CMYA5: variants seen among roughly 807,000 people sequenced by gnomAD.
The protein encoded by CMYA5 is cardiomyopathy-associated protein 5.
A neutral mutation model predicts 318.9 loss-of-function variants in CMYA5; 246 were observed. The observed-to-expected ratio is 0.77, with a 90% CI of 0.70 to 0.86. The LOEUF (loss-of-function observed/expected upper bound fraction) is 0.86. Ranked by LOEUF, CMYA5 falls within the 40% of genes least tolerant of loss-of-function variation. CMYA5 has a pLI of 0.00. For missense variants in CMYA5, 4,589 were observed against 4,678.2 expected (o/e 0.98, Z 0.56); for synonymous variants, 1,641 against 1,729.5 (o/e 0.95, Z 1.27).
In CMYA5 at chr5:79,735,115, A is replaced by G. The variant is rs548437302; in HGVS notation, c.6350A>G (p.Asp2117Gly). The change falls in exon 2 of 13, where the codon GAT (aspartate) becomes GGT (glycine). Residue 2117 changes from aspartate (D) to glycine (G), a missense_variant. This residue lies in a region of CMYA5 where 2,431 missense variants were observed against 2,495.1 expected (regional missense o/e 0.97). Transcript: ENST00000446378. ...CAGTCAAAGGTTATTGATGATGCTG[A>G]TGAGGGAAAGAAACCATCACCTGAA... ...MVQSKVIDDADEGKKPSPEVK... is the reference protein window; with the variant it reads ...MVQSKVIDDAGEGKKPSPEVK... 5 of 1,613,826 alleles carry G rather than the reference A, an allele frequency of 3.1e-6. No homozygotes were observed. In the Admixed American group the frequency reaches 6.7e-5, roughly 22 times the overall value.
Position 79,786,941 on chromosome 5 carries a change from C to T in CMYA5, c.11556-2030C>T, listed in dbSNP as rs192363997. On this transcript the variant is annotated intron_variant, in intron 9 of 12. Transcript: ENST00000446378. ...GTGCACATTTGTCAAATCTGCCTGA[C>T]CTGTTTCATGCACTGAAAGCAGGAC... Among the ~76,000 whole-genome samples, 427 of 152,326 alleles carry T rather than the reference C, an allele frequency of 2.8e-3. 1 individual carries two copies. Among genetic ancestry groups the T allele is most frequent in the African/African-American group, 9.6e-3 (400 of 41,560 alleles).
intron 5 of CMYA5, among the ~76,000 whole-genome samples, chr5:79,748,662 C>T (rs550112438): frequency 6.6e-6 from 1 of 152,230 alleles, no homozygotes; most frequent in Admixed American, 6.5e-5. Flanking sequence ...CCTGCCTCAG[C>T]CTCCGAAGTA....
At chr5:79,696,732 G>A (rs1037787310) in intron 1 of CMYA5, among the ~76,000 whole-genome samples, 2 of 152,112 alleles carry the variant, frequency 1.3e-5, no homozygotes, top group African/African-American at 4.8e-5. Flanking sequence ...TTGGCTGGAC[G>A]TGGTGGCTCA....
At position 79,732,423 on chromosome 5, in the gene CMYA5, G is replaced by A. The variant is rs531124824; in HGVS notation, c.3658G>A (p.Val1220Ile). ...VPDSQEATAH[V>I]SQDQKMEPQP... ...TGATTCTCAAGAAGCTACAGCACATGTATCACAGGATCAAAAAATGGAGCC... is the reference window on the plus strand; with the variant it reads ...TGATTCTCAAGAAGCTACAGCACATATATCACAGGATCAAAAAATGGAGCC... The change falls in exon 2 of 13, where the codon GTA becomes ATA. Residue 1220 changes from valine to isoleucine, a missense_variant. Physicochemically the swap from Val to Ile is conservative, Grantham distance 29. This residue lies in a region of CMYA5 where 2,132 missense variants were observed against 2,131.3 expected (regional missense o/e 1.00). Transcript: ENST00000446378. 1.2e-6 allele frequency: 2 copies of A among 1,613,680 alleles called. No homozygotes were observed. The highest frequency in any genetic ancestry group is 2.2e-5 in the South Asian group (2 of 91,010).
At chr5:79,752,818 A>G (rs2151092493) in intron 6 of CMYA5, 24 bp downstream of exon 6, 1 of 1,528,928 alleles carries the variant, frequency 6.5e-7, no homozygotes, top group East Asian at 2.3e-5. Flanking sequence ...TATATTAATT[A>G]CCTAGATGAA....
intron 1 of CMYA5, among the ~76,000 whole-genome samples, chr5:79,704,409 A>G (rs1374366697): frequency 6.6e-6 from 1 of 151,930 alleles, no homozygotes; most frequent in African/African-American, 2.4e-5. Flanking sequence ...CTGTGAGCAG[A>G]CCCTGTGTGC....
intron 2 of CMYA5, among the ~76,000 whole-genome samples, chr5:79,741,342 T>C (rs564022987): frequency 1.3e-5 from 2 of 152,334 alleles, no homozygotes; most frequent in African/African-American, 4.8e-5. Flanking sequence ...CCAGAGCTCA[T>C]GTTCTTGACT....
At chr5:79,786,771 G>A (rs1248585155) in intron 9 of CMYA5, among the ~76,000 whole-genome samples, 3 of 152,164 alleles carry the variant, frequency 2.0e-5, no homozygotes, top group South Asian at 2.1e-4. Flanking sequence ...ACAAGGAAAC[G>A]AACCATTTGT....
In CMYA5 at chr5:79,738,620, G is replaced by T; in HGVS notation, c.9855G>T (p.Lys3285Asn). ...CTGCAGAAGGGGAAATTTGGGGAAA[G>T]TTTGGAACTATTTGCAGGGAGAAGA... The part of the protein sequence containing the change: ...PIAAEGEIWG[K>N]FGTICREKSL... The change falls in exon 2 of 13, where the codon AAG becomes AAT. Residue 3285 changes from lysine to asparagine, a missense_variant. Lys to Asn is a moderately conservative substitution (Grantham distance 94). Coordinates refer to ENST00000446378, the MANE Select transcript of CMYA5 (RefSeq NM_153610.5). 1 of 1,613,862 alleles carries T rather than the reference G, an allele frequency of 6.2e-7. No individual in the cohort carries two copies. Among genetic ancestry groups the T allele is most frequent in the Non-Finnish European group, 8.5e-7 (1 of 1,179,836 alleles).
chr5:79,719,842 A>G (rs1336412111), intron 1 of CMYA5, among the ~76,000 whole-genome samples: 2 of 152,202 alleles, frequency 1.3e-5, no homozygotes, highest in Non-Finnish European at 2.9e-5. Context: ...TAACTTATTT[A>G]TAGGGATGGC....
chr5:79,749,992 C>T (rs888714061), intron 5 of CMYA5, among the ~76,000 whole-genome samples: 1 of 146,982 alleles, frequency 6.8e-6, no homozygotes, highest in African/African-American at 2.6e-5. Context: ...AAAAAGTGAT[C>T]TCCTAAGGTT....
At chr5:79,720,037 A>G (rs1280011137) in intron 1 of CMYA5, among the ~76,000 whole-genome samples, 1 of 152,248 alleles carries the variant, frequency 6.6e-6, no homozygotes, top group Admixed American at 6.5e-5. Flanking sequence ...ATCCAAATGA[A>G]GCACACACAG....
intron 1 of CMYA5, among the ~76,000 whole-genome samples, chr5:79,718,847 C>T (rs1193199852): frequency 6.6e-6 from 1 of 152,142 alleles, no homozygotes; most frequent in African/African-American, 2.4e-5. Flanking sequence ...ATTACAGCTG[C>T]TTACAGTATT....
At chr5:79,751,741 C>T (rs1828433615) in intron 5 of CMYA5, among the ~76,000 whole-genome samples, 1 of 152,148 alleles carries the variant, frequency 6.6e-6, no homozygotes, top group Non-Finnish European at 1.5e-5. Context: ...AAACGGTATT[C>T]TGGTGAAGCA....
intron 7 of CMYA5, among the ~76,000 whole-genome samples, chr5:79,759,215 G>T (rs991123253): frequency 6.6e-6 from 1 of 152,334 alleles, no homozygotes; most frequent in African/African-American, 2.4e-5. Flanking sequence ...GAGAAAGGAG[G>T]TAACATACCA....
intron 1 of CMYA5, among the ~76,000 whole-genome samples, chr5:79,695,356 G>T (rs1827047501): frequency 6.6e-6 from 1 of 152,182 alleles, no homozygotes; most frequent in South Asian, 2.1e-4. Context: ...ATGAATTTTA[G>T]TAATCACTTA....
In CMYA5 at chr5:79,730,971, A is replaced by C. The variant is rs768628358; in HGVS notation, c.2206A>C (p.Lys736Gln). ...VSEYMIPSEE[K>Q]EDTGSFTPAV... Reference sequence around the variant, plus strand: ...TGAGTACATGATTCCATCAGAAGAGAAGGAAGACACTGGATCGTTTACTCC... The same window carrying C: ...TGAGTACATGATTCCATCAGAAGAGCAGGAAGACACTGGATCGTTTACTCC... Residue 736 changes from lysine to glutamine, a missense_variant, in exon 2 of 13, where the codon AAG becomes CAG. Physicochemically the swap from Lys to Gln is moderately conservative, Grantham distance 53. Coordinates refer to ENST00000446378, the MANE Select transcript of CMYA5 (RefSeq NM_153610.5). 45 of 1,613,858 alleles carry C rather than the reference A, an allele frequency of 2.8e-5. No individual in the cohort carries two copies. The highest frequency in any genetic ancestry group is 3.6e-5 in the Non-Finnish European group (43 of 1,179,896).
Position 79,731,400 on chromosome 5 carries a change from T to A in CMYA5, c.2635T>A (p.Tyr879Asn). 6.2e-7 allele frequency: 1 copy of A among 1,613,702 alleles called. No homozygotes were observed. The highest frequency in any genetic ancestry group is 1.3e-5 in the African/African-American group (1 of 75,012). ...ACCACTTTCAGCCACCCCATCTGAA[T>A]ATGTTGTTCTATCAGACGAAGAGGC... is the stretch of plus-strand genomic sequence containing the variant. The part of the protein sequence containing the change: ...APPLSATPSE[Y>N]VVLSDEEAVE... Residue 879 changes from tyrosine to asparagine, a missense_variant, in exon 2 of 13, where the codon TAT becomes AAT. Around this residue, in one of 3 missense-constraint regions of CMYA5, gnomAD observed 2,132 missense variants for 2,131.3 expected, o/e 1.00. Coordinates refer to ENST00000446378, the MANE Select transcript of CMYA5 (RefSeq NM_153610.5).
At position 79,732,471 on chromosome 5, in the gene CMYA5, T is replaced by A. The variant is rs1221348163; in HGVS notation, c.3706T>A (p.Ser1236Thr). ...MEPQPPNVPE[S>T]EMKYSVLPDM... is the part of the protein sequence containing the mutation. ...GCCTCAGCCTCCAAATGTTCCAGAGTCTGAGATGAAATATTCAGTTTTGCC... is the reference window on the plus strand; with the variant it reads ...GCCTCAGCCTCCAAATGTTCCAGAGACTGAGATGAAATATTCAGTTTTGCC... The change falls in exon 2 of 13, where the codon TCT (serine) becomes ACT (threonine). Residue 1236 changes from serine to threonine, a missense_variant. Transcript: ENST00000446378. The A allele has an allele frequency of 2.5e-6, 4 of 1,613,138 alleles. No homozygotes were observed. The highest frequency in any genetic ancestry group is 3.4e-6 in the Non-Finnish European group (4 of 1,179,580).
Sources: gnomAD v4.1 joint callset for allele counts (sites outside exome capture counted in the v4.1 genomes callset) on GRCh38, gnomAD v4.1.1 for gene constraint, gnomAD v4.1.1 regional missense constraint, MANE v1.5 for transcripts, NCBI Gene and HGNC (gene_info 2026-07-23, HGNC 2026-07-21) for gene names.